Variants in METTL15 observed in about 807,000 individuals in gnomAD.
METTL15 encodes methyltransferase 15, mitochondrial 12S rRNA N4-cytidine, also known as 12S rRNA N(4)-cytidine methyltransferase METTL15.
In METTL15, 34 loss-of-function variants were observed where a neutral mutation model predicts 38.3. The ratio of observed to expected loss-of-function variants is 0.89; its 90% CI spans 0.68 to 1.18. The LOEUF (loss-of-function observed/expected upper bound fraction) is 1.18. Among genes scored for constraint, METTL15 ranks in the 50% most tolerant of loss-of-function variants. The pLI, the probability that METTL15 is intolerant of heterozygous loss-of-function variation, is 0.00. For synonymous variants in METTL15, 162 were observed against 170.9 expected (o/e 0.95, Z 0.41); for missense variants, 438 against 498.4 (o/e 0.88, Z 1.15).
chr11:28,309,536 T>A (rs1284995343), intron 6 of METTL15, among the ~76,000 whole-genome samples: 1 of 152,174 alleles, frequency 6.6e-6, no homozygotes, highest in Non-Finnish European at 1.5e-5. Context: ...GCTTTGGGGA[T>A]CTTGGAGCAT....
intron 3 of METTL15, among the ~76,000 whole-genome samples, chr11:28,192,082 A>G (rs2133804034): frequency 6.6e-6 from 1 of 151,864 alleles, no homozygotes; most frequent in East Asian, 1.9e-4. Context: ...TTTTGTGTCT[A>G]TCTGTGTGTC....
At chr11:28,202,677 C>T (rs1306384768) in intron 3 of METTL15, among the ~76,000 whole-genome samples, 1 of 151,840 alleles carries the variant, frequency 6.6e-6, no homozygotes, top group African/African-American at 2.4e-5. Flanking sequence ...AAACTAGTTG[C>T]AAATAGGTGA....
intron 3 of METTL15, among the ~76,000 whole-genome samples, chr11:28,340,216 A>G (rs1296087559): frequency 1.3e-5 from 2 of 152,096 alleles, no homozygotes; most frequent in South Asian, 2.1e-4. Flanking sequence ...AATTTTGGTG[A>G]CAAGGCATTT....
At chr11:28,338,326 C>G (rs1037695970), downstream of METTL15, among the ~76,000 whole-genome samples, 38 of 152,012 alleles carry the variant, frequency 2.5e-4, no homozygotes, top group Non-Finnish European at 4.4e-4. Flanking sequence ...TAAATTTATT[C>G]TAGGGTATTC....
chr11:28,441,426 T>C (rs1363306098), intron 6 of METTL15, among the ~76,000 whole-genome samples: 1 of 152,212 alleles, frequency 6.6e-6, no homozygotes, highest in Non-Finnish European at 1.5e-5. Context: ...GTAATTATGT[T>C]TGAAGCCACT....
At chr11:28,436,899 G>A (rs1178340274) in intron 6 of METTL15, among the ~76,000 whole-genome samples, 2 of 152,150 alleles carry the variant, frequency 1.3e-5, no homozygotes, top group Admixed American at 6.5e-5. Context: ...GACTGGGAGA[G>A]GCAGACCCAT....
intron 4 of METTL15, among the ~76,000 whole-genome samples, chr11:28,230,755 C>G (rs1286367833): frequency 6.6e-6 from 1 of 151,886 alleles, no homozygotes; most frequent in African/African-American, 2.4e-5. Context: ...TAAAGTAAAA[C>G]TGAGACAAAC....
At chr11:28,385,665 G>A (rs1168812765) in intron 5 of METTL15, among the ~76,000 whole-genome samples, 1 of 152,014 alleles carries the variant, frequency 6.6e-6, no homozygotes, top group Non-Finnish European at 1.5e-5. Flanking sequence ...TAAAATAGTT[G>A]TTTCTAATTC....
Position 28,340,881 on chromosome 11 carries a change from T to C in METTL15, c.*190-11209T>C, listed in dbSNP as rs112431218. Among the ~76,000 whole-genome samples, 5 of 152,300 alleles carry C rather than the reference T, an allele frequency of 3.3e-5. 1 individual carries two copies. Among genetic ancestry groups the C allele is most frequent in the African/African-American group, 1.2e-4 (5 of 41,562 alleles). On this transcript the variant is annotated intron_variant and NMD_transcript_variant, in intron 3 of 7. Coordinates refer to the METTL15 transcript ENST00000532947. ...AAGGGCACATGCACACATATGTTTA[T>C]TGCAGCACTATTCACAATAGCAAAG...
intron 5 of METTL15, among the ~76,000 whole-genome samples, chr11:28,383,895 A>G (rs943267870): frequency 1.3e-5 from 2 of 152,054 alleles, no homozygotes; most frequent in Non-Finnish European, 2.9e-5. Flanking sequence ...TTGGTTGTAC[A>G]GATTATTTTG....
chr11:28,304,543 C>G (rs1857016521), intron 6 of METTL15, among the ~76,000 whole-genome samples: 1 of 152,016 alleles, frequency 6.6e-6, no homozygotes, highest in Non-Finnish European at 1.5e-5. Context: ...TGGTGAAACC[C>G]TGACTCTACT....
chr11:28,492,740 T>C (rs1163388786), intron 6 of METTL15, among the ~76,000 whole-genome samples: 1 of 152,098 alleles, frequency 6.6e-6, no homozygotes, highest in African/African-American at 2.4e-5. Flanking sequence ...TGCAGAAAAA[T>C]ATAACAAAAT....
At chr11:28,499,424 A>G (rs955137780) in intron 6 of METTL15, among the ~76,000 whole-genome samples, 7 of 152,202 alleles carry the variant, frequency 4.6e-5, no homozygotes, top group Admixed American at 3.3e-4. Context: ...AACCTAAATA[A>G]ATATATTAGA....
At chr11:28,503,655 G>T (rs1851602710) in intron 6 of METTL15, among the ~76,000 whole-genome samples, 1 of 151,938 alleles carries the variant, frequency 6.6e-6, no homozygotes, top group African/African-American at 2.4e-5. Flanking sequence ...GCCAGGCGTG[G>T]TGGCACGCAC....
chr11:28,235,925 A>G (rs1853940792), intron 4 of METTL15, among the ~76,000 whole-genome samples: 1 of 151,804 alleles, frequency 6.6e-6, no homozygotes, highest in Non-Finnish European at 1.5e-5. Flanking sequence ...CCCATTCAGT[A>G]TGATATTGGC....
chr11:28,446,625 A>G (rs1354548728), intron 6 of METTL15, among the ~76,000 whole-genome samples: 2 of 152,162 alleles, frequency 1.3e-5, no homozygotes, highest in African/African-American at 2.4e-5. Flanking sequence ...ATAACTACAC[A>G]TCATCATAGC....
chr11:28,500,952 C>T (rs961352649), intron 6 of METTL15, among the ~76,000 whole-genome samples: 1 of 152,196 alleles, frequency 6.6e-6, no homozygotes, highest in African/African-American at 2.4e-5. Context: ...GGTTCTGACA[C>T]CCTATTAGGA....
intron 6 of METTL15, chr11:28,424,433 G>C (rs1023234265): frequency 2.0e-5 from 3 of 152,078 alleles, no homozygotes; most frequent in African/African-American, 7.2e-5. Context: ...GAGGTAAAAG[G>C]GTAGAGAAGG....
intron 6 of METTL15, among the ~76,000 whole-genome samples, chr11:28,431,789 T>TAAAAA (rs1564929855): frequency 3.0e-4 from 3 of 9,954 alleles, no homozygotes; most frequent in East Asian, 5.4e-3. Context: ...AAAAATAAAT[T>TAAAAA]TAAAAAAAAA....
Sources: gnomAD v4.1 joint callset for allele counts (sites outside exome capture counted in the v4.1 genomes callset) on GRCh38, gnomAD v4.1.1 for gene constraint, MANE v1.5 for transcripts, NCBI Gene and HGNC (gene_info 2026-07-23, HGNC 2026-07-21) for gene names.